ARHGAP11A: variants seen among roughly 807,000 people sequenced by gnomAD.
The protein encoded by ARHGAP11A is Rho GTPase activating protein 11A.
Under a neutral mutation model 60.5 loss-of-function variants are expected in ARHGAP11A, and 36 were observed. That is an observed-to-expected ratio of 0.59 (90% CI 0.46 to 0.79). The LOEUF (loss-of-function observed/expected upper bound fraction) is 0.79, where lower values mean the gene tolerates loss of function less well. ARHGAP11A is among the 30% of genes least tolerant of loss of function. The pLI, the probability that ARHGAP11A is intolerant of heterozygous loss-of-function variation, is 0.00. For missense variants in ARHGAP11A, 1,071 were observed against 1,199.2 expected, an observed-to-expected ratio of 0.89 and a Z score of 1.58; for synonymous variants, 362 against 415.5, an observed-to-expected ratio of 0.87 and a Z score of 1.57.
At chr15:32,624,095 A>G (rs1019777048) in intron 3 of ARHGAP11A, 78 bp from the exon 4 acceptor site, 65 of 1,579,468 alleles carry the variant, frequency 4.1e-5, no homozygotes, top group Non-Finnish European at 5.5e-5. Context: ...AAGTGTAATT[A>G]GAGTATAACA....
intron 2 of ARHGAP11A, 82 bp from the exon 3 acceptor site, chr15:32,623,410 G>A: frequency 7.5e-7 from 1 of 1,329,232 alleles, no homozygotes; most frequent in Non-Finnish European, 1.1e-6. Context: ...AAGGTACGTA[G>A]TGCTTGGCCT....
rs534018933 is a variant in ARHGAP11A at position 32,632,773 on chromosome 15, T to C, written c.1106-206T>C. 3 of 428,764 alleles carry C rather than the reference T, an allele frequency of 7.0e-6. No homozygotes were observed. In the South Asian group the frequency reaches 1.5e-4, roughly 21 times the overall value. 26.6% of individuals were successfully genotyped at this position (428,764 alleles called of 1,614,324 possible). A position where few individuals can be genotyped will look rare whatever the true frequency, so the allele number is the denominator to read the frequency against. On this transcript the variant is annotated intron_variant, in intron 8 of 11. Coordinates refer to ENST00000361627, the MANE Select transcript of ARHGAP11A (RefSeq NM_014783.6). ...AAGTAATGCTTAAGCTGACCTTTAA[T>C]TGGCAAGTCAAAAGTAAAAAATGAA...
rs1191979261 is a variant in ARHGAP11A, at chr15:32,633,992, G to A, written c.1295G>A (p.Arg432Gln). The A allele has an allele frequency of 3.7e-6, 6 of 1,608,108 alleles. No individual in the cohort carries two copies. The highest frequency in any genetic ancestry group is 2.2e-5 in the East Asian group (1 of 44,662). ...AAAATCAGCCATAAAGAAAAGGTTC[G>A]AAGATCTCTGCGTTTGAAATTCAAT... Reference protein sequence around the residue: ...SPKISHKEKVRRSLRLKFNLG... With the variant: ...SPKISHKEKVQRSLRLKFNLG... The change falls in exon 10 of 12, where the codon CGA becomes CAA. Residue 432 changes from arginine (R) to glutamine (Q), a missense_variant. By Grantham distance (43) the Arg-to-Gln change is conservative. Transcript: ENST00000361627.
intron 3 of ARHGAP11A, among the ~76,000 whole-genome samples, chr15:32,623,795 A>G (rs1391747536): frequency 1.3e-5 from 2 of 151,986 alleles, no homozygotes; most frequent in Non-Finnish European, 2.9e-5. Context: ...TTTTAAATTC[A>G]TGGTCCTTAT....
rs1015179283 is a variant in ARHGAP11A, at chr15:32,639,448, C to G, written c.*1603C>G. ...TGGCATTTCTAATTGTAAGTAGAGA[C>G]AAAATATTCATATAGTCAGATATAT... On this transcript the variant is annotated 3_prime_UTR_variant, in exon 12 of 12. Transcript: ENST00000361627. 2.0e-5 allele frequency: 3 copies of G among 152,080 alleles called. No individual in the cohort carries two copies. Among genetic ancestry groups the G allele is most frequent in the Non-Finnish European group, 4.4e-5 (3 of 68,012 alleles). 9.4% of individuals were successfully genotyped at this position (152,080 alleles called of 1,614,324 possible).
chr15:32,616,035 G>T lies in ARHGAP11A; in HGVS notation c.-177G>T, dbSNP rs1045026861. 8.2e-5 allele frequency: 66 copies of T among 809,342 alleles called. No individual in the cohort carries two copies. The African/African-American group carries it at 1.1e-3, about 13-fold the overall frequency. 50.1% of individuals were successfully genotyped at this position (809,342 alleles called of 1,614,324 possible). On this transcript the variant is annotated 5_prime_UTR_variant, in exon 1 of 12. Transcript: ENST00000361627. ...CGGGTCTGTGTAAGTGGATGTGAGT[G>T]AGGATCAAGGAAAAGCCGTGGAAGT... is the stretch of plus-strand genomic sequence containing the variant.
chr15:32,632,207 G>C (rs2053601966), intron 8 of ARHGAP11A, among the ~76,000 whole-genome samples: 1 of 151,946 alleles, frequency 6.6e-6, no homozygotes, highest in South Asian at 2.1e-4. Flanking sequence ...TTTGTTGAAT[G>C]TGTCCTGGGC....
Position 32,635,743 on chromosome 15 carries a change from A to T in ARHGAP11A, c.1345-34A>T, listed in dbSNP as rs774709464. ...TTTATATTTTGAATTAACTAGGCTT[A>T]TTTCTTAACTAAAACTTTTTTTTTT... On this transcript the variant is annotated intron_variant, in intron 10 of 11. Coordinates refer to ENST00000361627, the MANE Select transcript of ARHGAP11A (RefSeq NM_014783.6). 12 of 1,438,326 alleles carry T rather than the reference A, an allele frequency of 8.3e-6. No homozygotes were observed. In the South Asian group the frequency reaches 1.5e-4, roughly 18 times the overall value. 89.1% of individuals were successfully genotyped at this position (1,438,326 alleles called of 1,614,324 possible). A position where few individuals can be genotyped will look rare whatever the true frequency, so the allele number is the denominator to read the frequency against.
In ARHGAP11A at chr15:32,637,372, G is replaced by A; in HGVS notation, c.2599G>A (p.Ala867Thr). ...TAAGTTGGCGAGTCTTGGTGATACA[G>A]CTTCTCCTTTGGTCAAATCAGTGAG... ...GHKLASLGDT[A>T]SPLVKSVSCD... Residue 867 changes from alanine to threonine, a missense_variant, in exon 12 of 12, where the codon GCT becomes ACT. Transcript: ENST00000361627. The A allele has an allele frequency of 6.2e-7, 1 of 1,614,136 alleles. No homozygotes were observed. The highest frequency in any genetic ancestry group is 8.5e-7 in the Non-Finnish European group (1 of 1,180,002).
chr15:32,631,296 CT>C, intron 8 of ARHGAP11A, among the ~76,000 whole-genome samples: 1 of 83,832 alleles, frequency 1.2e-5, no homozygotes, highest in Non-Finnish European at 2.5e-5. Flanking sequence ...TCATAATTGT[CT>C]CTTTTTTTTT....
intron 1 of ARHGAP11A, among the ~76,000 whole-genome samples, chr15:32,618,677 TG>T (rs1466852541): frequency 6.6e-6 from 1 of 152,002 alleles, no homozygotes; most frequent in Non-Finnish European, 1.5e-5. Context: ...GGCTCACGCC[TG>T]TAATCCCAGC....
At chr15:32,618,517 T>G (rs182390059) in intron 1 of ARHGAP11A, among the ~76,000 whole-genome samples, 1 of 152,370 alleles carries the variant, frequency 6.6e-6, no homozygotes, top group African/African-American at 2.4e-5. Flanking sequence ...ACAAGTGTTT[T>G]GTATGTTTTA....
rs779237200 is a variant in ARHGAP11A, at chr15:32,635,887, A to G, written c.1455A>G (p.Pro485=). Residue 485 remains proline (P), a synonymous_variant, in exon 11 of 12, where the codon CCA becomes CCG. Coordinates refer to ENST00000361627, the MANE Select transcript of ARHGAP11A (RefSeq NM_014783.6). ...TAAAAACAGGTTTGCTTTTTAGCCCAGATGTTGATGAAAAGTTACCAAAGA... is the reference window on the plus strand; with the variant it reads ...TAAAAACAGGTTTGCTTTTTAGCCCGGATGTTGATGAAAAGTTACCAAAGA... The part of the protein sequence containing the change: ...ESVKTGLLFS[P]DVDEKLPKKG... The G allele has an allele frequency of 6.2e-7, 1 of 1,610,170 alleles. No individual in the cohort carries two copies. The highest frequency in any genetic ancestry group is 8.5e-7 in the Non-Finnish European group (1 of 1,178,948).
intron 8 of ARHGAP11A, among the ~76,000 whole-genome samples, chr15:32,630,843 C>G (rs1329739771): frequency 1.3e-5 from 2 of 151,818 alleles, no homozygotes; most frequent in Non-Finnish European, 2.9e-5. Flanking sequence ...GAGACTTAAA[C>G]TTTTTTAAGT....
rs367791940 is a variant in ARHGAP11A at position 32,637,178 on chromosome 15, C to T, written c.2405C>T (p.Thr802Ile). ...EKTVSESSQM[T>I]EHRKVSDHIQ... ...ACAGTTTCTGAAAGTTCACAAATGA[C>T]AGAACATAGAAAGGTTTCTGATCAC... The change falls in exon 12 of 12, where the codon ACA (threonine) becomes ATA (isoleucine). Residue 802 changes from threonine to isoleucine, a missense_variant. Coordinates refer to ENST00000361627, the MANE Select transcript of ARHGAP11A (RefSeq NM_014783.6). 1 of 1,613,972 alleles carries T rather than the reference C, an allele frequency of 6.2e-7. No individual in the cohort carries two copies. The highest frequency in any genetic ancestry group is 8.5e-7 in the Non-Finnish European group (1 of 1,180,000).
At chr15:32,628,572 T>C in intron 6 of ARHGAP11A, among the ~76,000 whole-genome samples, 156 bp from the exon 7 acceptor site, 1 of 152,192 alleles carries the variant, frequency 6.6e-6, no homozygotes, top group Non-Finnish European at 1.5e-5. Context: ...TATCCTTTAG[T>C]ATTTTTCCTA....
chr15:32,637,458 TATCAA>T lies in ARHGAP11A; in HGVS notation c.2690_2694del (p.Lys897ArgfsTer3). The T allele has an allele frequency of 6.2e-7, 1 of 1,614,126 alleles. No individual in the cohort carries two copies. The highest frequency in any genetic ancestry group is 8.5e-7 in the Non-Finnish European group (1 of 1,180,038). On this transcript the variant is annotated frameshift_variant, in exon 12 of 12. Coordinates refer to ENST00000361627, the MANE Select transcript of ARHGAP11A (RefSeq NM_014783.6). LOFTEE classifies it low-confidence loss of function (END_TRUNC). ...CATCAAAAGATTCCTCTGTTTCATGTATCAAATCAGGTCCTAAAGAACAGAAGTCC... is the reference window on the plus strand; with the variant it reads ...CATCAAAAGATTCCTCTGTTTCATGTATCAGGTCCTAAAGAACAGAAGTCC...
intron 1 of ARHGAP11A, among the ~76,000 whole-genome samples, chr15:32,616,998 A>C (rs1029276938): frequency 1.3e-5 from 2 of 152,146 alleles, no homozygotes; most frequent in African/African-American, 4.8e-5. Context: ...GCCAGAGTGG[A>C]ATAATTGAGA....
intron 10 of ARHGAP11A, 47 bp from the exon 11 acceptor site, chr15:32,635,730 A>T: frequency 1.5e-6 from 2 of 1,312,548 alleles, no homozygotes; most frequent in Non-Finnish European, 2.0e-6. Flanking sequence ...TATATTTTGA[A>T]TTAACTAGGC....
Sources: gnomAD v4.1 joint callset for allele counts (sites outside exome capture counted in the v4.1 genomes callset) on GRCh38, gnomAD v4.1.1 for gene constraint, MANE v1.5 for transcripts, NCBI Gene and HGNC (gene_info 2026-07-23, HGNC 2026-07-21) for gene names.